Variants in RNF111 observed in about 807,000 individuals in gnomAD.
RNF111 encodes ring finger protein 111.
Under a neutral mutation model 95.1 loss-of-function variants are expected in RNF111, and 17 were observed. The observed-to-expected ratio is 0.18, with a 90% CI of 0.12 to 0.27. RNF111 has a LOEUF of 0.27. Among genes scored for constraint, RNF111 ranks in the 10% least tolerant of loss-of-function variants. The pLI, the probability that RNF111 is intolerant of heterozygous loss-of-function variation, is 1.00. For synonymous variants in RNF111, 440 were observed against 414.8 expected, an observed-to-expected ratio of 1.06 and a Z score of -0.74; for missense variants, 1,189 against 1,210.4, an observed-to-expected ratio of 0.98 and a Z score of 0.26.
At chr15:59,074,059 A>C (rs1178816994) in intron 6 of RNF111, among the ~76,000 whole-genome samples, 1 of 152,176 alleles carries the variant, frequency 6.6e-6, no homozygotes, top group Non-Finnish European at 1.5e-5. Context: ...TTTGAAAGGA[A>C]TATTTTTTTC....
intron 3 of RNF111, among the ~76,000 whole-genome samples, chr15:59,054,194 C>G (rs1260918405): frequency 6.6e-6 from 1 of 152,164 alleles, no homozygotes; most frequent in Non-Finnish European, 1.5e-5. Context: ...GCCTCGGCCT[C>G]CCAAAGTGCT....
At chr15:59,007,581 C>G (rs540086365) in intron 1 of RNF111, among the ~76,000 whole-genome samples, 1 of 152,168 alleles carries the variant, frequency 6.6e-6, no homozygotes, top group Admixed American at 6.5e-5. Flanking sequence ...ATTACTGGAT[C>G]ATACGTTAGA....
chr15:59,058,720 T>C, intron 5 of RNF111, 170 bp downstream of exon 5: 1 of 631,816 alleles, frequency 1.6e-6, no homozygotes, highest in East Asian at 2.9e-5. Flanking sequence ...GCTGATTTCA[T>C]ATTTGAGTTT....
rs569439722 is a variant in RNF111, at chr15:59,095,364, T to G, written c.*464T>G. ...AAAGATCCTCTAGAAAATGATAATATTGTGTATTAAGACATTCCTTAATTA... is the reference window on the plus strand; with the variant it reads ...AAAGATCCTCTAGAAAATGATAATAGTGTGTATTAAGACATTCCTTAATTA... On this transcript the variant is annotated 3_prime_UTR_variant, in exon 14 of 14. Coordinates refer to ENST00000348370, the MANE Select transcript of RNF111 (RefSeq NM_017610.8). 8.3e-5 allele frequency: 14 copies of G among 168,912 alleles called. No homozygotes were observed. The South Asian group carries it at 2.1e-3, about 26-fold the overall frequency. 10.5% of individuals were successfully genotyped at this position (168,912 alleles called of 1,614,324 possible). A position where few individuals can be genotyped will look rare whatever the true frequency, so the allele number is the denominator to read the frequency against.
chr15:59,025,887 C>CGT (rs2040581284), intron 1 of RNF111, among the ~76,000 whole-genome samples: 1 of 152,108 alleles, frequency 6.6e-6, no homozygotes, highest in South Asian at 2.1e-4. Context: ...TGTGCCACCA[C>CGT]GCCTGGCTAA....
chr15:59,077,808 G>A (rs559337881), intron 7 of RNF111, among the ~76,000 whole-genome samples: 9 of 152,250 alleles, frequency 5.9e-5, no homozygotes, highest in African/African-American at 1.9e-4. Context: ...CACCTCATTA[G>A]GAGTGTGTTA....
chr15:59,005,770 A>G (rs1426431490), intron 1 of RNF111, among the ~76,000 whole-genome samples: 2 of 152,250 alleles, frequency 1.3e-5, no homozygotes, highest in African/African-American at 2.4e-5. Flanking sequence ...GACGATTTCT[A>G]AAAACTAGCT....
intron 1 of RNF111, among the ~76,000 whole-genome samples, chr15:58,996,593 AT>A (rs2039082691): frequency 6.6e-6 from 1 of 151,592 alleles, no homozygotes; most frequent in African/African-American, 2.4e-5. Context: ...GAAAAAAAAA[AT>A]TAAAAAATTA....
intron 1 of RNF111, among the ~76,000 whole-genome samples, chr15:58,992,291 C>T (rs1481905357): frequency 6.6e-6 from 1 of 152,072 alleles, no homozygotes; most frequent in East Asian, 1.9e-4. Flanking sequence ...GTGATTCGCC[C>T]GTCTCGGCCT....
rs770001582 is a variant in RNF111, at chr15:59,052,434, G to T, written c.1007+3G>T. The T allele has an allele frequency of 6.4e-7, 1 of 1,559,194 alleles. No homozygotes were observed. ...GTAACAGTTGGAGAAAGCTATCGGT[G>T]AGATTTTAATTCTTAGTTAAATGTT... On this transcript the variant is annotated splice_donor_region_variant and intron_variant, in intron 3 of 13. Coordinates refer to ENST00000348370, the MANE Select transcript of RNF111 (RefSeq NM_017610.8).
At chr15:59,003,236 C>T (rs1217080869) in intron 1 of RNF111, among the ~76,000 whole-genome samples, 1 of 152,204 alleles carries the variant, frequency 6.6e-6, no homozygotes, top group Non-Finnish European at 1.5e-5. Context: ...CCACCTCAGC[C>T]TCCTGAGTAG....
chr15:58,998,578 G>T (rs1567198921), intron 1 of RNF111, among the ~76,000 whole-genome samples: 1 of 152,142 alleles, frequency 6.6e-6, no homozygotes, highest in Non-Finnish European at 1.5e-5. Flanking sequence ...TTCTTTCATG[G>T]AACACATTTT....
At chr15:59,017,507 C>T (rs2040123666) in intron 1 of RNF111, among the ~76,000 whole-genome samples, 2 of 152,152 alleles carry the variant, frequency 1.3e-5, no homozygotes, top group Non-Finnish European at 1.5e-5. Flanking sequence ...TTTATAAAAA[C>T]ATCAATTGTC....
In RNF111 at chr15:59,061,760, TC is replaced by T. The variant is rs1277403298; in HGVS notation, c.1366+3212del. 5.4e-4 allele frequency among the ~76,000 whole-genome samples: 82 copies of T among 152,338 alleles called. 1 individual carries two copies. The highest frequency in any genetic ancestry group is 1.9e-3 in the African/African-American group (78 of 41,568). ...CTTCGGCATCTTCTCTGGTTTCATT[TC>T]CTTAGTACATGCACATGTACACTTG... On this transcript the variant is annotated intron_variant, in intron 5 of 13. Transcript: ENST00000348370.
At chr15:59,043,230 C>T (rs2041552481) in intron 2 of RNF111, among the ~76,000 whole-genome samples, 1 of 151,704 alleles carries the variant, frequency 6.6e-6, no homozygotes, top group African/African-American at 2.4e-5. Context: ...TCTCCGCTCA[C>T]TGCAGCCTCC....
intron 6 of RNF111, among the ~76,000 whole-genome samples, chr15:59,075,614 G>T (rs575644729): frequency 2.2e-4 from 34 of 152,238 alleles, no homozygotes; most frequent in African/African-American, 7.9e-4. Flanking sequence ...GAATATAGAA[G>T]TATGATTTTT....
In RNF111 at chr15:59,096,929, GA is replaced by G. The variant is rs1473522026; in HGVS notation, c.*2031del. The stretch of plus-strand genomic sequence containing the variant: ...AGCACAGGTGGATTTCTCTATTTTT[GA>G]ATACTACATCAGATTTAGATGCACG... On this transcript the variant is annotated 3_prime_UTR_variant, in exon 14 of 14. Coordinates refer to ENST00000348370, the MANE Select transcript of RNF111 (RefSeq NM_017610.8). 2 of 152,134 alleles carry G rather than the reference GA, an allele frequency of 1.3e-5. No homozygotes were observed. Among genetic ancestry groups the G allele is most frequent in the Admixed American group, 6.6e-5 (1 of 15,254 alleles). 9.4% of individuals were successfully genotyped at this position (152,134 alleles called of 1,614,324 possible).
At chr15:59,014,707 G>C (rs1024172739) in intron 1 of RNF111, among the ~76,000 whole-genome samples, 2 of 151,746 alleles carry the variant, frequency 1.3e-5, no homozygotes, top group African/African-American at 4.8e-5. Flanking sequence ...CAGGAAAACT[G>C]CCATGAACAA....
At chr15:59,002,671 T>C (rs2141456719) in intron 1 of RNF111, among the ~76,000 whole-genome samples, 1 of 152,280 alleles carries the variant, frequency 6.6e-6, no homozygotes, top group South Asian at 2.1e-4. Flanking sequence ...TTCCCTATAG[T>C]TCTTAGTAAA....
Sources: gnomAD v4.1 joint callset for allele counts (sites outside exome capture counted in the v4.1 genomes callset) on GRCh38, gnomAD v4.1.1 for gene constraint, MANE v1.5 for transcripts, NCBI Gene and HGNC (gene_info 2026-07-23, HGNC 2026-07-21) for gene names.